SLC8A3: variants seen among roughly 807,000 people sequenced by gnomAD.
SLC8A3 encodes sodium/calcium exchanger 3.
A neutral mutation model predicts 65.4 loss-of-function variants in SLC8A3; 37 were observed. The ratio of observed to expected loss-of-function variants is 0.57; its 90% CI spans 0.44 to 0.74. The LOEUF (loss-of-function observed/expected upper bound fraction) is 0.74. SLC8A3 is among the 30% of genes least tolerant of loss of function. SLC8A3 has a pLI of 0.00. For missense variants in SLC8A3, 1,112 were observed against 1,172.1 expected (o/e 0.95, Z 0.75); for synonymous variants, 461 against 444.5 (o/e 1.04, Z -0.47).
upstream of SLC8A3, among the ~76,000 whole-genome samples, chr14:70,189,362 C>T (rs1594844809): frequency 1.3e-5 from 2 of 152,310 alleles, no homozygotes; most frequent in East Asian, 3.9e-4. Context: ...GCGGCACCGG[C>T]TTTCCCCTTG....
At chr14:70,051,175 T>G in intron 4 of SLC8A3, 68 bp from the exon 5 acceptor site, 3 of 1,066,122 alleles carry the variant, frequency 2.8e-6, no homozygotes, top group Non-Finnish European at 4.4e-6. Flanking sequence ...AGTCTGGTTC[T>G]TCAAAGGAAT....
At chr14:70,187,639 G>GTGTGTGTGTGTGTGTGTGTT (rs775352761) in intron 1 of SLC8A3, among the ~76,000 whole-genome samples, 16 of 128,026 alleles carry the variant, frequency 1.2e-4, no homozygotes, top group African/African-American at 4.8e-4. Flanking sequence ...GTGTGTGTGT[G>GTGTGTGTGTGTGTGTGTGTT]TCCGCGCGCG....
At chr14:70,165,445 T>C (rs1897112784) in intron 2 of SLC8A3, among the ~76,000 whole-genome samples, 3 of 152,154 alleles carry the variant, frequency 2.0e-5, no homozygotes, top group African/African-American at 7.2e-5. Context: ...TTACTGAAGG[T>C]ATAATTAGCA....
chr14:70,071,167 G>T (rs562899959), intron 2 of SLC8A3, among the ~76,000 whole-genome samples: 12 of 152,340 alleles, frequency 7.9e-5, no homozygotes, highest in African/African-American at 2.2e-4. Context: ...GGAAAAAAAG[G>T]CTTCAAGATT....
intron 2 of SLC8A3, among the ~76,000 whole-genome samples, chr14:70,134,547 A>T (rs1468314949): frequency 6.6e-6 from 1 of 152,076 alleles, no homozygotes; most frequent in African/African-American, 2.4e-5. Flanking sequence ...CCCATGTCCA[A>T]TCCATAGGGG....
chr14:70,089,943 TAG>T, intron 2 of SLC8A3, among the ~76,000 whole-genome samples: 1 of 152,170 alleles, frequency 6.6e-6, no homozygotes, highest in Non-Finnish European at 1.5e-5. Context: ...AGGTATAAAT[TAG>T]AGAGTTTTTT....
At position 70,048,810 on chromosome 14, in the gene SLC8A3, T is replaced by A. The variant is rs1273465631; in HGVS notation, c.2346A>T (p.Ser782=). 6.2e-7 allele frequency: 1 copy of A among 1,613,966 alleles called. No individual in the cohort carries two copies. Among genetic ancestry groups the A allele is most frequent in the South Asian group, 1.1e-5 (1 of 91,026 alleles). The change falls in exon 6 of 7, where the codon TCA becomes TCT. Residue 782 remains serine, a synonymous_variant. Coordinates refer to ENST00000356921, the MANE Select transcript of SLC8A3 (RefSeq NM_182932.3). ...ATGCCACGAAAACAACAGCTGTGAC[T>A]GAATCTTTGAGACCAATGGTGCAGC... ...HFGCTIGLKD[S]VTAVVFVAFG...
At chr14:70,182,601 T>C (rs967714303) in intron 1 of SLC8A3, among the ~76,000 whole-genome samples, 2 of 152,044 alleles carry the variant, frequency 1.3e-5, no homozygotes, top group East Asian at 3.9e-4. Flanking sequence ...TTGGAATAAG[T>C]CATTATATTT....
chr14:70,093,480 C>T (rs1411440115), intron 2 of SLC8A3, among the ~76,000 whole-genome samples: 1 of 152,170 alleles, frequency 6.6e-6, no homozygotes, highest in Non-Finnish European at 1.5e-5. Flanking sequence ...GTCTCACATA[C>T]CTCACAGGAC....
At chr14:70,053,421 A>G (rs943843582) in intron 3 of SLC8A3, among the ~76,000 whole-genome samples, 1 of 152,214 alleles carries the variant, frequency 6.6e-6, no homozygotes, top group Admixed American at 6.5e-5. Flanking sequence ...CTACTCTGGG[A>G]AAAAGCCCTT....
chr14:70,162,183 A>T (rs879178245), intron 2 of SLC8A3, among the ~76,000 whole-genome samples: 17 of 152,216 alleles, frequency 1.1e-4, no homozygotes, highest in African/African-American at 3.4e-4. Context: ...AAGAATTGCC[A>T]TATTCTTTTT....
In SLC8A3 at chr14:70,143,854, C is replaced by G. The variant is rs369813104; in HGVS notation, c.1784+22785G>C. ...ACCCAGGCTCTGAGCTGTTACACGG[C>G]TGTCAGGTGTATACTCATTTCATGG... On this transcript the variant is annotated intron_variant, in intron 2 of 6. Transcript: ENST00000356921. Among the ~76,000 whole-genome samples, 10 of 152,336 alleles carry G rather than the reference C, an allele frequency of 6.6e-5. No individual in the cohort carries two copies. In the East Asian group the frequency reaches 1.3e-3, roughly 21 times the overall value.
chr14:70,060,033 G>C (rs1374865012), intron 3 of SLC8A3, among the ~76,000 whole-genome samples: 2 of 152,162 alleles, frequency 1.3e-5, no homozygotes, highest in Non-Finnish European at 2.9e-5. Context: ...GGGATGCCCA[G>C]AGGAGGAAGA....
intron 2 of SLC8A3, among the ~76,000 whole-genome samples, chr14:70,162,500 T>C (rs1390505631): frequency 6.6e-6 from 1 of 152,216 alleles, no homozygotes. Context: ...AGGCCTGCAC[T>C]ATTTAATTAT....
At chr14:70,186,834 C>T (rs1191379454) in intron 1 of SLC8A3, among the ~76,000 whole-genome samples, 1 of 152,142 alleles carries the variant, frequency 6.6e-6, no homozygotes, top group Non-Finnish European at 1.5e-5. Flanking sequence ...AAAAAGAAGC[C>T]CCAGCCCGAA....
intron 2 of SLC8A3, among the ~76,000 whole-genome samples, chr14:70,136,347 C>T (rs1018021206): frequency 3.9e-5 from 6 of 152,168 alleles, no homozygotes; most frequent in African/African-American, 9.7e-5. Flanking sequence ...TGTTGTTTTA[C>T]GCCACCCAGT....
chr14:70,044,904 A>G lies in SLC8A3; in HGVS notation c.*1043T>C, dbSNP rs1260040892. On this transcript the variant is annotated 3_prime_UTR_variant, in exon 7 of 7. Coordinates refer to ENST00000356921, the MANE Select transcript of SLC8A3 (RefSeq NM_182932.3). ...TACAAACTTTTCTCTTAAAGATCTC[A>G]CTGGTTGGACATCTCTTCTCTCCTG... 1 of 152,180 alleles carries G rather than the reference A, an allele frequency of 6.6e-6. No individual in the cohort carries two copies. Among genetic ancestry groups the G allele is most frequent in the East Asian group, 1.9e-4 (1 of 5,202 alleles). The allele number at this position is 152,180 out of a possible 1,614,324, so 9.4% of individuals were successfully genotyped here. A position where few individuals can be genotyped will look rare whatever the true frequency, so the allele number is the denominator to read the frequency against.
rs766859164 is a variant in SLC8A3, at chr14:70,166,795, T to C, written c.1628A>G (p.Glu543Gly). ...TFECDTIHVS[E>G]SIGVMEVKVL... Reference sequence around the variant, plus strand: ...CTTGACCTCCATAACACCAATACTCTCACTGACATGAATAGTATCACATTC... The same window carrying C: ...CTTGACCTCCATAACACCAATACTCCCACTGACATGAATAGTATCACATTC... Residue 543 changes from glutamate (E) to glycine (G), a missense_variant, in exon 2 of 7, where the codon GAG becomes GGG. Glu to Gly is a moderately conservative substitution (Grantham distance 98, BLOSUM62 -2). Transcript: ENST00000356921. 5.6e-6 allele frequency: 9 copies of C among 1,613,894 alleles called. No homozygotes were observed. The African/African-American group carries it at 9.3e-5, about 17-fold the overall frequency.
At chr14:70,155,683 C>T (rs150403445) in intron 2 of SLC8A3, among the ~76,000 whole-genome samples, 13 of 152,326 alleles carry the variant, frequency 8.5e-5, no homozygotes, top group East Asian at 5.8e-4. Context: ...AGTAAGCTTT[C>T]TCAGAGGCCT....
Sources: gnomAD v4.1 joint callset for allele counts (sites outside exome capture counted in the v4.1 genomes callset) on GRCh38, gnomAD v4.1.1 for gene constraint, MANE v1.5 for transcripts, NCBI Gene and HGNC (gene_info 2026-07-23, HGNC 2026-07-21) for gene names.